Variants in SENP5 observed in about 807,000 individuals in gnomAD.
SENP5 encodes the protein sentrin-specific protease 5.
SENP5 carries 21 observed loss-of-function variants against 74.2 expected under a neutral mutation model. The ratio of observed to expected loss-of-function variants is 0.28; its 90% CI spans 0.20 to 0.41. SENP5 has a LOEUF of 0.41. Ranked by LOEUF, SENP5 falls within the 10% of genes least tolerant of loss-of-function variation. SENP5 has a pLI of 1.00. For missense variants in SENP5, 717 were observed against 889.1 expected, an observed-to-expected ratio of 0.81 and a Z score of 2.46; for synonymous variants, 311 against 312.7, an observed-to-expected ratio of 0.99 and a Z score of 0.06.
chr3:196,908,110 G>A (rs899963904), intron 6 of SENP5, among the ~76,000 whole-genome samples: 6 of 151,902 alleles, frequency 3.9e-5, no homozygotes, highest in African/African-American at 7.3e-5. Context: ...GCGAGACCCC[G>A]TTTCTATAAA....
chr3:196,875,639 AGAAAAAATAATTTCTTCAGAGAG>A (rs1163464304), intron 1 of SENP5, among the ~76,000 whole-genome samples: 1 of 152,190 alleles, frequency 6.6e-6, no homozygotes, highest in African/African-American at 2.4e-5. Flanking sequence ...ATTTCTTCAG[AGAAAAAATAATTTCTTCAGAGAG>A]GTGTTTCCTG....
chr3:196,891,030 C>T (rs1714178570), intron 2 of SENP5, among the ~76,000 whole-genome samples: 1 of 152,004 alleles, frequency 6.6e-6, no homozygotes, highest in Non-Finnish European at 1.5e-5. Context: ...TCATAATATC[C>T]AGAAAGTGAA....
intron 2 of SENP5, among the ~76,000 whole-genome samples, chr3:196,898,560 G>GC (rs1714550514): frequency 6.6e-6 from 1 of 151,806 alleles, no homozygotes; most frequent in African/African-American, 2.4e-5. Context: ...GTGTTACTAT[G>GC]CCCCAGCTGG....
At chr3:196,918,870 A>G (rs555446859) in intron 6 of SENP5, among the ~76,000 whole-genome samples, 1 of 152,210 alleles carries the variant, frequency 6.6e-6, no homozygotes, top group African/African-American at 2.4e-5. Context: ...CAGAGTAGCT[A>G]TACTTAATGT....
chr3:196,892,066 A>G (rs1714227935), intron 2 of SENP5, among the ~76,000 whole-genome samples: 1 of 151,978 alleles, frequency 6.6e-6, no homozygotes, highest in South Asian at 2.1e-4. Context: ...CTGGGATTAC[A>G]GGCGTGAGTC....
rs563327113 is a variant in SENP5 at position 196,900,992 on chromosome 3, G to A, written c.1806+580G>A. On this transcript the variant is annotated intron_variant, in intron 5 of 9. Coordinates refer to ENST00000323460, the MANE Select transcript of SENP5 (RefSeq NM_152699.5). ...GATATCTGGAGAGGGCCTTTTTTTG[G>A]TGGGGAGATGTGCAAAAGGGACTGG... is the stretch of plus-strand genomic sequence containing the variant. Among the ~76,000 whole-genome samples the A allele has an allele frequency of 1.0e-3, 151 of 151,562 alleles. 1 individual carries two copies. The highest frequency in any genetic ancestry group is 3.4e-3 in the African/African-American group (142 of 41,350).
chr3:196,888,386 G>A (rs183321712), intron 2 of SENP5, among the ~76,000 whole-genome samples: 3 of 151,526 alleles, frequency 2.0e-5, no homozygotes, highest in East Asian at 3.9e-4. Context: ...AGTTCAAGAC[G>A]AGGCTGATCA....
rs564130103 is a variant in SENP5 at position 196,878,887 on chromosome 3, C to T, written c.-31-6264C>T. On this transcript the variant is annotated intron_variant, in intron 1 of 9. Coordinates refer to ENST00000323460, the MANE Select transcript of SENP5 (RefSeq NM_152699.5). Reference sequence around the variant, plus strand: ...TAGTACAGGCATGAGCCACCATGCCCGGCCTAAATTACCTTTTTATAATGT... The same window carrying T: ...TAGTACAGGCATGAGCCACCATGCCTGGCCTAAATTACCTTTTTATAATGT... 8.5e-5 allele frequency among the ~76,000 whole-genome samples: 13 copies of T among 152,266 alleles called. No homozygotes were observed. The South Asian group carries it at 2.7e-3, about 32-fold the overall frequency.
chr3:196,879,207 T>C (rs779450122), intron 1 of SENP5, among the ~76,000 whole-genome samples: 4 of 152,212 alleles, frequency 2.6e-5, no homozygotes, highest in Non-Finnish European at 5.9e-5. Flanking sequence ...CATTTCCAAA[T>C]GTTAGGTTGA....
chr3:196,895,072 T>TA (rs776981481), intron 2 of SENP5, among the ~76,000 whole-genome samples: 1 of 152,232 alleles, frequency 6.6e-6, no homozygotes, highest in Admixed American at 6.5e-5. Flanking sequence ...TTGCATTTCT[T>TA]ACGTGCACAG....
intron 6 of SENP5, among the ~76,000 whole-genome samples, chr3:196,905,666 GACCTCCACAGGCACATCACCCTCCAGGA>G (rs1380600301): frequency 1.3e-5 from 2 of 152,112 alleles, no homozygotes; most frequent in African/African-American, 4.8e-5. Flanking sequence ...GATTCTCTAG[GACCTCCACAGGCACATCACCCTCCAGGA>G]ACCTCCACAT....
Position 196,899,575 on chromosome 3 carries a change from A to G in SENP5, c.1514-91A>G, listed in dbSNP as rs532764011. The G allele has an allele frequency of 4.3e-5, 32 of 737,034 alleles. No individual in the cohort carries two copies. The Admixed American group carries it at 5.4e-4, about 12-fold the overall frequency. The allele number at this position is 737,034 out of a possible 1,614,324, so 45.7% of individuals were successfully genotyped here. A position where few individuals can be genotyped will look rare whatever the true frequency, so the allele number is the denominator to read the frequency against. ...TATAGGTTAACCACTGTATGTGTTA[A>G]GTGCTGTGTATAGGTTAAGTGTTTG... On this transcript the variant is annotated intron_variant, in intron 2 of 9. Transcript: ENST00000323460.
rs1000171524 is a variant in SENP5 at position 196,870,698 on chromosome 3, A to G, written c.-32+2625A>G. Among the ~76,000 whole-genome samples, 45 of 151,834 alleles carry G rather than the reference A, an allele frequency of 3.0e-4. 1 individual carries two copies. In the East Asian group the frequency reaches 8.4e-3, roughly 28 times the overall value. On this transcript the variant is annotated intron_variant, in intron 1 of 9. Coordinates refer to ENST00000323460, the MANE Select transcript of SENP5 (RefSeq NM_152699.5). The stretch of plus-strand genomic sequence containing the variant: ...ACGCCCGGCTAATTTTTGTATTTTT[A>G]GTAGAGATGGGGTTTCACCATGTTG...
rs925616379 is a variant in SENP5, at chr3:196,899,679, G to A, written c.1527G>A (p.Glu509=). The A allele has an allele frequency of 6.2e-6, 10 of 1,603,306 alleles. No homozygotes were observed. Among genetic ancestry groups the A allele is most frequent in the Non-Finnish European group, 8.5e-6 (10 of 1,170,832 alleles). Residue 509 remains glutamate (E), a synonymous_variant, in exon 3 of 10, where the codon GAG becomes GAA. Coordinates refer to ENST00000323460, the MANE Select transcript of SENP5 (RefSeq NM_152699.5). ...CCTTTATTTAAGGATTCCTAGATGA[G>A]GTTATGAAGAAGTATGGCAGTTTGG... ...LSVCLSGFLD[E]VMKKYGSLVP...
At chr3:196,879,547 C>A (rs1157445087) in intron 1 of SENP5, among the ~76,000 whole-genome samples, 1 of 152,188 alleles carries the variant, frequency 6.6e-6, no homozygotes, top group Non-Finnish European at 1.5e-5. Context: ...ATTGGTGGCC[C>A]TCCAGGCTTA....
At chr3:196,890,946 A>G (rs1048478423) in intron 2 of SENP5, among the ~76,000 whole-genome samples, 2 of 152,232 alleles carry the variant, frequency 1.3e-5, no homozygotes, top group Admixed American at 6.5e-5. Context: ...AAAACATTCC[A>G]GATGGATTAA....
chr3:196,921,298 G>A (rs1715611946), intron 6 of SENP5, among the ~76,000 whole-genome samples: 1 of 152,144 alleles, frequency 6.6e-6, no homozygotes, highest in African/African-American at 2.4e-5. Context: ...AAGTAAAAAT[G>A]TCACTACCTC....
intron 2 of SENP5, among the ~76,000 whole-genome samples, chr3:196,891,893 C>T (rs202089470): frequency 5.9e-5 from 9 of 151,810 alleles, no homozygotes; most frequent in Admixed American, 2.6e-4. Context: ...TGGGTTCAAG[C>T]GATTCTCCTG....
At position 196,886,228 on chromosome 3, in the gene SENP5, T is replaced by C. The variant is rs1451757970; in HGVS notation, c.1047T>C (p.Asn349=). Residue 349 remains asparagine (N), a synonymous_variant, in exon 2 of 10, where the codon AAT becomes AAC. Transcript: ENST00000323460. ...ACGAAGCATTCCCTGACCAACAGAA[T>C]GGCAGTGCCACAAACGCCTGGGACC... The part of the protein sequence containing the change: ...SLDEAFPDQQ[N]GSATNAWDQS... 11 of 1,614,084 alleles carry C rather than the reference T, an allele frequency of 6.8e-6. No homozygotes were observed. The highest frequency in any genetic ancestry group is 9.3e-6 in the Non-Finnish European group (11 of 1,180,030).
Sources: allele counts gnomAD v4.1 joint callset (sites outside exome capture counted in the v4.1 genomes callset), GRCh38; gene constraint gnomAD v4.1.1; transcripts MANE v1.5; gene names NCBI Gene and HGNC (gene_info 2026-07-23, HGNC 2026-07-21).